CSGALNACT1: variants seen among roughly 807,000 people sequenced by gnomAD.
The protein encoded by CSGALNACT1 is chondroitin sulfate N-acetylgalactosaminyltransferase 1.
In CSGALNACT1, 52 loss-of-function variants were observed where a neutral mutation model predicts 51.0. The observed-to-expected ratio is 1.02, with a 90% CI of 0.82 to 1.29. The LOEUF (loss-of-function observed/expected upper bound fraction) is 1.29. Ranked by LOEUF, CSGALNACT1 falls within the 50% of genes most tolerant of loss-of-function variation. The probability of loss-of-function intolerance (pLI) is 0.00; values close to 1 mark genes in which losing one functional copy is unlikely to be tolerated. For synonymous variants in CSGALNACT1, 341 were observed against 254.4 expected, an observed-to-expected ratio of 1.34 and a Z score of -3.24; for missense variants, 935 against 679.2, an observed-to-expected ratio of 1.38 and a Z score of -4.19.
At chr8:19,581,006 T>C (rs577477231) in intron 3 of CSGALNACT1, among the ~76,000 whole-genome samples, 6 of 152,134 alleles carry the variant, frequency 3.9e-5, no homozygotes, top group Admixed American at 3.3e-4. Flanking sequence ...TAAGTCACAT[T>C]TAAGACAGGA....
At chr8:19,455,390 A>C (rs1304820200) in intron 5 of CSGALNACT1, among the ~76,000 whole-genome samples, 2 of 152,352 alleles carry the variant, frequency 1.3e-5, no homozygotes, top group East Asian at 3.9e-4. Flanking sequence ...TGGGGATGGA[A>C]AGGAATTTAT....
At chr8:19,541,763 A>G (rs2085223589) in intron 3 of CSGALNACT1, among the ~76,000 whole-genome samples, 1 of 151,770 alleles carries the variant, frequency 6.6e-6, no homozygotes, top group South Asian at 2.1e-4. Flanking sequence ...GTAAGCTTTC[A>G]GTGTTTATCT....
chr8:19,408,275 C>T (rs2054756349), intron 9 of CSGALNACT1, among the ~76,000 whole-genome samples: 1 of 151,990 alleles, frequency 6.6e-6, no homozygotes, highest in African/African-American at 2.4e-5. Context: ...CTACCAGGCC[C>T]CCTCTTGGTC....
intron 1 of CSGALNACT1, among the ~76,000 whole-genome samples, chr8:19,754,670 T>G (rs1312181329): frequency 6.6e-6 from 1 of 152,242 alleles, no homozygotes; most frequent in Non-Finnish European, 1.5e-5. Flanking sequence ...TTTTAGGCCT[T>G]TGGCTAATGC....
chr8:19,744,740 T>C (rs1045142347), intron 1 of CSGALNACT1, among the ~76,000 whole-genome samples: 3 of 152,246 alleles, frequency 2.0e-5, no homozygotes, highest in African/African-American at 7.2e-5. Flanking sequence ...TGGGGATCCT[T>C]GAATGTGATT....
At chr8:19,504,514 A>G (rs1377587685) in intron 4 of CSGALNACT1, among the ~76,000 whole-genome samples, 1 of 152,250 alleles carries the variant, frequency 6.6e-6, no homozygotes, top group Non-Finnish European at 1.5e-5. Flanking sequence ...GAAACTGGAC[A>G]AGGCTGCTGT....
At chr8:19,649,745 ACT>A (rs2057608071) in intron 1 of CSGALNACT1, among the ~76,000 whole-genome samples, 1 of 148,846 alleles carries the variant, frequency 6.7e-6, no homozygotes, top group Non-Finnish European at 1.5e-5. Flanking sequence ...ATTAGCCAAG[ACT>A]CTTGTTAAAA....
rs1351583566 is a variant in CSGALNACT1 at position 19,676,090 on chromosome 8, A to C, written c.-544+6383T>G. Among the ~76,000 whole-genome samples, 29 of 146,868 alleles carry C rather than the reference A, an allele frequency of 2.0e-4. 1 individual carries two copies. Among genetic ancestry groups the C allele is most frequent in the African/African-American group, 7.1e-4 (28 of 39,662 alleles). ...GGATGGTGGTTGTCTGATTTAAAAAACAAAACAAAACAAAAAAAACTCCCA... is the reference window on the plus strand; with the variant it reads ...GGATGGTGGTTGTCTGATTTAAAAACCAAAACAAAACAAAAAAAACTCCCA... On this transcript the variant is annotated intron_variant, in intron 1 of 9. Coordinates refer to the CSGALNACT1 transcript ENST00000332246.
intron 1 of CSGALNACT1, among the ~76,000 whole-genome samples, chr8:19,625,987 A>G (rs770465546): frequency 2.0e-5 from 3 of 152,248 alleles, no homozygotes; most frequent in Non-Finnish European, 4.4e-5. Flanking sequence ...TGAGACAATA[A>G]AACACATACA....
intron 5 of CSGALNACT1, among the ~76,000 whole-genome samples, chr8:19,454,890 A>AT (rs1476571020): frequency 6.6e-6 from 1 of 152,140 alleles, no homozygotes; most frequent in Non-Finnish European, 1.5e-5. Flanking sequence ...GTGAAGACAC[A>AT]TTTTCTTAAA....
At chr8:19,708,630 G>C (rs2062321707) in intron 1 of CSGALNACT1, among the ~76,000 whole-genome samples, 1 of 152,158 alleles carries the variant, frequency 6.6e-6, no homozygotes, top group African/African-American at 2.4e-5. Context: ...GCAAATATGA[G>C]CTGAGGACTC....
exon 10 of CSGALNACT1, chr8:19,405,970 C>G (rs200462016): frequency 1.2e-6 from 2 of 1,614,196 alleles, no homozygotes; most frequent in Non-Finnish European, 1.7e-6. Context: ...GAAGAGTCCT[C>G]GCACAGGCGT....
chr8:19,652,280 C>G (rs902510718), intron 1 of CSGALNACT1, among the ~76,000 whole-genome samples: 4 of 152,060 alleles, frequency 2.6e-5, no homozygotes, highest in Admixed American at 2.0e-4. Flanking sequence ...GCCATTCTCA[C>G]TGGTATGAGG....
chr8:19,635,798 G>A (rs954172268), intron 1 of CSGALNACT1, among the ~76,000 whole-genome samples: 4 of 152,234 alleles, frequency 2.6e-5, no homozygotes, highest in Non-Finnish European at 4.4e-5. Context: ...CGTGATCTCC[G>A]TTCATTGCAA....
intron 4 of CSGALNACT1, among the ~76,000 whole-genome samples, chr8:19,475,251 A>C (rs1429248053): frequency 6.6e-6 from 1 of 152,170 alleles, no homozygotes; most frequent in Admixed American, 6.5e-5. Flanking sequence ...AAGTCTGGGA[A>C]ATAGACCAGG....
At chr8:19,621,619 A>T in intron 1 of CSGALNACT1, among the ~76,000 whole-genome samples, 1 of 152,064 alleles carries the variant, frequency 6.6e-6, no homozygotes, top group East Asian at 1.9e-4. Flanking sequence ...TCTACAAAAA[A>T]TATTTTTTTA....
At chr8:19,754,564 A>T (rs1309812951) in intron 1 of CSGALNACT1, among the ~76,000 whole-genome samples, 1 of 152,260 alleles carries the variant, frequency 6.6e-6, no homozygotes, top group Non-Finnish European at 1.5e-5. Context: ...GGATATATAA[A>T]ATACAAATCC....
chr8:19,525,467 A>C (rs959200894), intron 3 of CSGALNACT1, among the ~76,000 whole-genome samples: 1 of 151,568 alleles, frequency 6.6e-6, no homozygotes, highest in Admixed American at 6.6e-5. Context: ...GAAAAAAAAA[A>C]TTAGCTGGGC....
chr8:19,672,039 C>T (rs955800629), intron 1 of CSGALNACT1, among the ~76,000 whole-genome samples: 1 of 152,080 alleles, frequency 6.6e-6, no homozygotes, highest in Non-Finnish European at 1.5e-5. Context: ...TAAAGTGGTA[C>T]ATTTACATAG....
Sources: allele counts gnomAD v4.1 joint callset (sites outside exome capture counted in the v4.1 genomes callset), GRCh38; gene constraint gnomAD v4.1.1; transcripts MANE v1.5; gene names NCBI Gene and HGNC (gene_info 2026-07-23, HGNC 2026-07-21).